The following ARHGAP18 variants were observed in gnomAD, a reference collection of about 807,000 sequenced individuals.
ARHGAP18 encodes the protein rho GTPase-activating protein 18.
In ARHGAP18, 67 loss-of-function variants were observed where a neutral mutation model predicts 86.2. The observed-to-expected ratio is 0.78, with a 90% confidence interval of 0.64 to 0.95. The LOEUF is 0.95. Among genes scored for constraint, ARHGAP18 ranks in the 40% least tolerant of loss-of-function variants. The probability of loss-of-function intolerance (pLI) is 0.00; values close to 1 mark genes in which losing one functional copy is unlikely to be tolerated. For synonymous variants in ARHGAP18, 283 were observed against 280.4 expected, an observed-to-expected ratio of 1.01 and a Z score of -0.09; for missense variants, 691 against 780.4, an observed-to-expected ratio of 0.89 and a Z score of 1.37.
intron 13 of ARHGAP18, among the ~76,000 whole-genome samples, chr6:129,580,686 AACATGGCAAAACCCCATTTCT>A (rs1238379391): frequency 1.3e-5 from 2 of 152,156 alleles, no homozygotes; most frequent in Admixed American, 1.3e-4. Context: ...CAGTCTGGGC[AACATGGCAAAACCCCATTTCT>A]ACCCAAAATA....
chr6:129,666,385 G>T (rs1413084656), intron 1 of ARHGAP18, among the ~76,000 whole-genome samples: 2 of 152,320 alleles, frequency 1.3e-5, no homozygotes, highest in Admixed American at 6.5e-5. Context: ...CCATATAATG[G>T]GGATTGGCTT....
At chr6:129,584,255 G>T in intron 12 of ARHGAP18, 143 bp from the exon 13 acceptor site, 1 of 1,134,470 alleles carries the variant, frequency 8.8e-7, no homozygotes, top group Non-Finnish European at 1.2e-6. Context: ...AATGTAATTT[G>T]CAAAATTACA....
At chr6:129,705,925 G>T (rs1208923501) in intron 1 of ARHGAP18, among the ~76,000 whole-genome samples, 1 of 152,144 alleles carries the variant, frequency 6.6e-6, no homozygotes, top group Non-Finnish European at 1.5e-5. Flanking sequence ...CAGGGTTTCT[G>T]GGTTTATGTC....
chr6:129,583,904 A>AT, intron 13 of ARHGAP18, 84 bp downstream of exon 13: 33 of 1,427,050 alleles, frequency 2.3e-5, no homozygotes, highest in Non-Finnish European at 2.5e-5. Context: ...AAAAAAAAAA[A>AT]GGAAGAAGAA....
At chr6:129,582,616 G>A (rs1023077160) in intron 13 of ARHGAP18, among the ~76,000 whole-genome samples, 9 of 152,172 alleles carry the variant, frequency 5.9e-5, no homozygotes, top group Admixed American at 2.6e-4. Context: ...AGACATCTGA[G>A]ATCTTCCAAG....
At chr6:129,653,830 A>T (rs1396297191) in intron 1 of ARHGAP18, among the ~76,000 whole-genome samples, 1 of 152,028 alleles carries the variant, frequency 6.6e-6, no homozygotes, top group Non-Finnish European at 1.5e-5. Context: ...GAAGAAAAAA[A>T]AAAAATCCGA....
intron 5 of ARHGAP18, among the ~76,000 whole-genome samples, chr6:129,621,013 TTA>T (rs1320085160): frequency 6.6e-6 from 1 of 152,220 alleles, no homozygotes; most frequent in African/African-American, 2.4e-5. Context: ...CATGATACAC[TTA>T]ATTTTCTTTA....
chr6:129,659,058 A>C (rs762687066), intron 1 of ARHGAP18, among the ~76,000 whole-genome samples: 5 of 152,254 alleles, frequency 3.3e-5, no homozygotes, highest in Non-Finnish European at 2.9e-5. Flanking sequence ...ACCAAATATC[A>C]TCACTGCAAC....
chr6:129,679,495 T>C (rs1433476382), intron 1 of ARHGAP18, among the ~76,000 whole-genome samples: 1 of 152,198 alleles, frequency 6.6e-6, no homozygotes, highest in African/African-American at 2.4e-5. Context: ...GTAATGTGGA[T>C]ACAATTATAC....
intron 10 of ARHGAP18, among the ~76,000 whole-genome samples, chr6:129,604,247 C>T (rs569270661): frequency 1.3e-5 from 2 of 150,480 alleles, no homozygotes; most frequent in Admixed American, 6.6e-5. Context: ...TAGCCTCATA[C>T]ACAAAATGTA....
Position 129,642,544 on chromosome 6 carries a change from C to G in ARHGAP18, c.114-526G>C, listed in dbSNP as rs949894555. On this transcript the variant is annotated intron_variant, in intron 1 of 14. Coordinates refer to ENST00000368149, the MANE Select transcript of ARHGAP18 (RefSeq NM_033515.3). ...AAATGATCCTCAACTGATCCTCCCA[C>G]CTCAACCTCCCAAAGCACTGAGATT... Among the ~76,000 whole-genome samples, 45 of 151,942 alleles carry G rather than the reference C, an allele frequency of 3.0e-4. 1 individual carries two copies. Among genetic ancestry groups the G allele is most frequent in the Admixed American group, 2.6e-4 (4 of 15,244 alleles).
In ARHGAP18 at chr6:129,625,172, G is replaced by GATATATGATATATGATATATT. The variant is rs1554335991; in HGVS notation, c.786+4180_786+4181insAATATATCATATATCATATAT. ...TATTATATAGATATATATTATATAT[G>GATATATGATATATGATATATT]ATATATTATATATTATATATGATAT... On this transcript the variant is annotated intron_variant, in intron 5 of 14. Coordinates refer to ENST00000368149, the MANE Select transcript of ARHGAP18 (RefSeq NM_033515.3). Among the ~76,000 whole-genome samples, 2 of 41,464 alleles carry GATATATGATATATGATATATT rather than the reference G, an allele frequency of 4.8e-5. 1 individual carries two copies. Among genetic ancestry groups the GATATATGATATATGATATATT allele is most frequent in the African/African-American group, 1.6e-4 (2 of 12,626 alleles). The allele number at this position is 41,464 out of a possible 152,430, so 27.2% of individuals were successfully genotyped here.
intron 1 of ARHGAP18, among the ~76,000 whole-genome samples, chr6:129,694,534 T>A (rs1421762896): frequency 6.6e-6 from 1 of 152,228 alleles, no homozygotes; most frequent in African/African-American, 2.4e-5. Flanking sequence ...GTAACACATC[T>A]ACCAAGATAC....
chr6:129,661,257 G>A (rs1200794728), intron 1 of ARHGAP18, among the ~76,000 whole-genome samples: 2 of 144,680 alleles, frequency 1.4e-5, no homozygotes, highest in East Asian at 2.0e-4. Flanking sequence ...GGAAGCTGAC[G>A]CAGGAAGATT....
intron 1 of ARHGAP18, among the ~76,000 whole-genome samples, chr6:129,649,117 T>G (rs752540344): frequency 6.6e-6 from 1 of 152,214 alleles, no homozygotes; most frequent in Non-Finnish European, 1.5e-5. Context: ...ATCTAATCTC[T>G]TCTATCTGAC....
intron 12 of ARHGAP18, chr6:129,599,012 T>C: frequency 2.6e-6 from 1 of 385,520 alleles, no homozygotes; most frequent in African/African-American, 2.1e-5. Flanking sequence ...ACTCACATGC[T>C]GAGTCACCAA....
At chr6:129,684,374 G>A (rs550216287) in intron 1 of ARHGAP18, among the ~76,000 whole-genome samples, 1 of 152,276 alleles carries the variant, frequency 6.6e-6, no homozygotes, top group East Asian at 1.9e-4. Context: ...GAATGTGCAT[G>A]GGAAAAAAAT....
chr6:129,675,406 T>G (rs988170856), intron 1 of ARHGAP18, among the ~76,000 whole-genome samples: 16 of 145,398 alleles, frequency 1.1e-4, no homozygotes, highest in South Asian at 2.2e-4. Context: ...AAAAAAGAGG[T>G]TGAGTGGCAA....
In ARHGAP18 at chr6:129,683,340, G is replaced by T. The variant is rs140649766; in HGVS notation, c.113+26684C>A. Among the ~76,000 whole-genome samples, 1,381 of 152,142 alleles carry T rather than the reference G, an allele frequency of 9.1e-3. 10 individuals carry two copies. Among genetic ancestry groups the T allele is most frequent in the Middle Eastern group, 0.02 (6 of 294 alleles). On this transcript the variant is annotated intron_variant, in intron 1 of 14. Coordinates refer to ENST00000368149, the MANE Select transcript of ARHGAP18 (RefSeq NM_033515.3). ...CCCAATTCAGCCTCCCAAAGTGCTG[G>T]GATTACAGGCGTGAGCCACCACGCC...
Sources: gnomAD v4.1 joint callset for allele counts (sites outside exome capture counted in the v4.1 genomes callset) on GRCh38, gnomAD v4.1.1 for gene constraint, MANE v1.5 for transcripts, NCBI Gene and HGNC (gene_info 2026-07-23, HGNC 2026-07-21) for gene names.